Variants in PHF6 observed in about 807,000 individuals in gnomAD.
The protein encoded by PHF6 is PHD-like zinc finger protein.
In PHF6, 7 loss-of-function variants were observed where a neutral mutation model predicts 34.0. The observed-to-expected ratio is 0.21, with a 90% confidence interval of 0.12 to 0.39. The LOEUF (loss-of-function observed/expected upper bound fraction) is 0.39. PHF6 is among the 10% of genes least tolerant of loss of function. The probability of loss-of-function intolerance (pLI) is 1.00; values close to 1 mark genes in which losing one functional copy is unlikely to be tolerated. For missense variants in PHF6, 128 were observed against 262.8 expected, an observed-to-expected ratio of 0.49 and a Z score of 3.55; for synonymous variants, 89 against 88.4, an observed-to-expected ratio of 1.01 and a Z score of -0.04.
At chrX:134,413,723 A>G (rs914865084) in intron 6 of PHF6, 66 bp downstream of exon 6, 34 of 1,185,826 alleles carry the variant, frequency 2.9e-5, no homozygotes, top group East Asian at 5.9e-5. Context: ...TAAACTATCT[A>G]TAGGTAAAGT....
chrX:134,377,945 A>G (rs938249992), intron 2 of PHF6, 60 bp from the exon 3 acceptor site: 1 of 945,133 alleles, frequency 1.1e-6, no homozygotes, highest in Non-Finnish European at 1.5e-6. Flanking sequence ...CATCTTATTT[A>G]CTGTTTTACT....
chrX:134,401,557 G>A (rs1281745932), intron 5 of PHF6, among the ~76,000 whole-genome samples: 3 of 112,133 alleles, frequency 2.7e-5, no homozygotes, highest in African/African-American at 9.7e-5. Flanking sequence ...TGGATATTGA[G>A]AGAGAATGAA....
chrX:134,383,429 A>G (rs769121206), intron 3 of PHF6, among the ~76,000 whole-genome samples: 3 of 111,114 alleles, frequency 2.7e-5, no homozygotes, highest in South Asian at 7.5e-4. Context: ...CATTAAATAA[A>G]TATTTGAGTT....
Position 134,426,719 on chromosome X carries a change from A to G in PHF6, c.*1059A>G, listed in dbSNP as rs2077508913. 6.2e-6 allele frequency: 1 copy of G among 162,162 alleles called. No individual in the cohort carries two copies. The highest frequency in any genetic ancestry group is 8.1e-5 in the Admixed American group (1 of 12,348). The allele number at this position is 162,162 out of a possible 1,213,427, so 13.4% of individuals were successfully genotyped here. A position where few individuals can be genotyped will look rare whatever the true frequency, so the allele number is the denominator to read the frequency against. ...TTGGTGGTGTTTTATCGATTGTCAGAATTGTTTTTGAAAGCCTAAGAACCC... is the reference window on the plus strand; with the variant it reads ...TTGGTGGTGTTTTATCGATTGTCAGGATTGTTTTTGAAAGCCTAAGAACCC... On this transcript the variant is annotated 3_prime_UTR_variant, in exon 11 of 11. Transcript: ENST00000370803.
intron 5 of PHF6, among the ~76,000 whole-genome samples, chrX:134,395,752 G>A (rs933838535): frequency 8.9e-5 from 10 of 111,904 alleles, no homozygotes; most frequent in Admixed American, 1.9e-4. Context: ...AAACAATATA[G>A]TTTCCACTTC....
Position 134,413,576 on chromosome X carries a change from A to G in PHF6, c.504A>G (p.Arg168=), listed in dbSNP as rs2077460011. The G allele has an allele frequency of 8.3e-7, 1 of 1,209,594 alleles. No individual in the cohort carries two copies. The highest frequency in any genetic ancestry group is 1.8e-5 in the African/African-American group (1 of 57,142). ...SKKKSRKGRP[R]KTNFKGLSED... is the part of the protein sequence containing the mutation. ...AGAAAAGTCGCAAAGGAAGGCCAAG[A>G]AAAACTAATTTTAAAGGGCTGTCAG... Residue 168 remains arginine (R), a synonymous_variant, in exon 6 of 11, where the codon AGA becomes AGG. Transcript: ENST00000370803.
At chrX:134,414,611 C>T (rs1490442422) in intron 7 of PHF6, among the ~76,000 whole-genome samples, 1 of 108,378 alleles carries the variant, frequency 9.2e-6, no homozygotes, top group African/African-American at 3.3e-5. Flanking sequence ...CATCTAGGCA[C>T]CCTGTGGAAT....
At chrX:134,399,599 T>C (rs758319096) in intron 5 of PHF6, among the ~76,000 whole-genome samples, 5 of 109,290 alleles carry the variant, frequency 4.6e-5, no homozygotes, top group Non-Finnish European at 9.5e-5. Context: ...TATAGCAAAA[T>C]TGAGCACAAA....
intron 5 of PHF6, among the ~76,000 whole-genome samples, chrX:134,410,621 GTTTATTTTATTTTAT>G (rs71920546): frequency 1.3e-3 from 130 of 97,605 alleles, no homozygotes; most frequent in Non-Finnish European, 2.1e-3. Context: ...TATTTTTCCA[GTTTATTTTATTTTAT>G]TTTATTTTAT....
In PHF6 at chrX:134,378,099, C is replaced by T. The variant is rs767406620; in HGVS notation, c.233C>T (p.Thr78Met). Reference sequence around the variant, plus strand: ...GTCCAAAAGGAAATTAAAAGAGGCACGAAGCTGGTAAGTTGGTATTTCTGC... The same window carrying T: ...GTCCAAAAGGAAATTAAAAGAGGCATGAAGCTGGTAAGTTGGTATTTCTGC... ...EDVQKEIKRG[T>M]KLMCSLCHCP... Residue 78 changes from threonine to methionine, a missense_variant, in exon 3 of 11, where the codon ACG becomes ATG. This residue lies in a region of PHF6 where 97 missense variants were observed against 152.9 expected (regional missense o/e 0.63). Coordinates refer to ENST00000370803, the MANE Select transcript of PHF6 (RefSeq NM_001015877.2). 12 of 1,171,142 alleles carry T rather than the reference C, an allele frequency of 1.0e-5. No individual in the cohort carries two copies. In the South Asian group the frequency reaches 1.3e-4, roughly 13 times the overall value.
chrX:134,392,904 G>A (rs774622843), intron 3 of PHF6, among the ~76,000 whole-genome samples: 44 of 110,260 alleles, frequency 4.0e-4, no homozygotes, highest in African/African-American at 6.6e-4. Context: ...GGTTCAAGCA[G>A]TTATGCTTCA....
At chrX:134,421,095 T>C (rs946558887) in intron 9 of PHF6, among the ~76,000 whole-genome samples, 2 of 111,188 alleles carry the variant, frequency 1.8e-5, no homozygotes, top group Admixed American at 9.6e-5. Flanking sequence ...GTTTACCTTA[T>C]ATAACAGAAA....
At chrX:134,398,978 G>A (rs756760341) in intron 5 of PHF6, among the ~76,000 whole-genome samples, 42 of 111,448 alleles carry the variant, frequency 3.8e-4, no homozygotes, top group Non-Finnish European at 4.7e-4. Flanking sequence ...TAAGGAGAGC[G>A]TTCAGAAGAG....
In PHF6 at chrX:134,427,599, T is replaced by C. The variant is rs1393050659; in HGVS notation, c.*1939T>C. 2 of 158,736 alleles carry C rather than the reference T, an allele frequency of 1.3e-5. No individual in the cohort carries two copies. Among genetic ancestry groups the C allele is most frequent in the Non-Finnish European group, 1.2e-5 (1 of 81,768 alleles). The allele number at this position is 158,736 out of a possible 1,213,427, so 13.1% of individuals were successfully genotyped here. Reference sequence around the variant, plus strand: ...GTCAGTTGATGAATTTGTTATGTAGTAAAATGTATGACTTTGTATGGGTTT... The same window carrying C: ...GTCAGTTGATGAATTTGTTATGTAGCAAAATGTATGACTTTGTATGGGTTT... On this transcript the variant is annotated 3_prime_UTR_variant, in exon 11 of 11. Transcript: ENST00000370803.
rs144858995 is a variant in PHF6 at position 134,423,629 on chromosome X, G to A, written c.969-1572G>A. 8.0e-3 allele frequency among the ~76,000 whole-genome samples: 892 copies of A among 111,961 alleles called. 4 individuals are homozygous for A. Among genetic ancestry groups the A allele is most frequent in the Non-Finnish European group, 0.013 (693 of 53,175 alleles). ...TTGAAAGTTATTGAAAATGTTTTAA[G>A]ACTAAAAAGAGAAATAATGAACAAA... On this transcript the variant is annotated intron_variant, in intron 9 of 10. Transcript: ENST00000370803.
At chrX:134,379,432 C>CTTTTTTTTTTTTTTTTT (rs34099570) in intron 3 of PHF6, among the ~76,000 whole-genome samples, 4 of 26,276 alleles carry the variant, frequency 1.5e-4, no homozygotes, top group African/African-American at 2.0e-4. Flanking sequence ...CTTTTCTTTT[C>CTTTTTTTTTTTTTTTTT]TTTTTTTTTT....
At chrX:134,376,272 T>C (rs1368412816) in intron 1 of PHF6, among the ~76,000 whole-genome samples, 2 of 112,148 alleles carry the variant, frequency 1.8e-5, no homozygotes, top group Non-Finnish European at 3.8e-5. Flanking sequence ...TGCAATGTAG[T>C]GTTAGACAAT....
chrX:134,395,666 T>C (rs1196642855), intron 5 of PHF6, among the ~76,000 whole-genome samples: 2 of 112,137 alleles, frequency 1.8e-5, no homozygotes, highest in African/African-American at 3.2e-5. Flanking sequence ...TTTATGAAGA[T>C]TTACCTAATT....
chrX:134,395,887 GA>G (rs1230274460), intron 5 of PHF6, among the ~76,000 whole-genome samples: 9 of 111,748 alleles, frequency 8.1e-5, no homozygotes, highest in Non-Finnish European at 1.7e-4. Flanking sequence ...AAATATGACG[GA>G]AAAAACCTTA....
Sources: gnomAD v4.1 joint callset for allele counts (sites outside exome capture counted in the v4.1 genomes callset) on GRCh38, gnomAD v4.1.1 for gene constraint, gnomAD v4.1.1 regional missense constraint, MANE v1.5 for transcripts, NCBI Gene and HGNC (gene_info 2026-07-23, HGNC 2026-07-21) for gene names.